BLK: variants seen among roughly 807,000 people sequenced by gnomAD.
BLK encodes the protein BLK proto-oncogene, Src family tyrosine kinase.
In BLK, 64 loss-of-function variants were observed where a neutral mutation model predicts 61.8. The observed-to-expected ratio is 1.03, with a 90% CI of 0.85 to 1.27. The LOEUF is 1.27. Among genes scored for constraint, BLK ranks in the 50% most tolerant of loss-of-function variants. The pLI is 0.00. For missense variants in BLK, 853 were observed against 660.5 expected (o/e 1.29, Z -3.19); for synonymous variants, 351 against 272.0 (o/e 1.29, Z -2.86).
chr8:11,508,483 C>G (rs537390055), intron 1 of BLK, among the ~76,000 whole-genome samples: 7 of 152,302 alleles, frequency 4.6e-5, no homozygotes, highest in African/African-American at 1.7e-4. Flanking sequence ...CCTTCCTTGG[C>G]CCCCTCTTGG....
At chr8:11,540,904 G>A (rs777493488) in intron 1 of BLK, among the ~76,000 whole-genome samples, 21 of 150,972 alleles carry the variant, frequency 1.4e-4, no homozygotes, top group African/African-American at 4.1e-4. Flanking sequence ...CAAAGCCAGC[G>A]CACCTTAATG....
chr8:11,495,193 G>T (rs963869094), intron 1 of BLK, among the ~76,000 whole-genome samples: 1 of 152,212 alleles, frequency 6.6e-6, no homozygotes, highest in African/African-American at 2.4e-5. Flanking sequence ...CACATATTTT[G>T]AAAGGATTTG....
rs1348767341 is a variant in BLK at position 11,549,076 on chromosome 8, G to A, written c.322G>A (p.Val108Met). 1.2e-6 allele frequency: 2 copies of A among 1,612,020 alleles called. No homozygotes were observed. The highest frequency in any genetic ancestry group is 1.3e-5 in the African/African-American group (1 of 75,044). Reference protein sequence around the residue: ...RSLVTGREGYVPSNFVARVES... With the variant: ...RSLVTGREGYMPSNFVARVES... ...ACTCGTCACAGGAAGAGAAGGCTAT[G>A]TGCCCAGTAACTTTGTGGCCCGAGT... is the stretch of plus-strand genomic sequence containing the variant. The change falls in exon 5 of 13, where the codon GTG becomes ATG. Residue 108 changes from valine to methionine, a missense_variant. Val to Met is a conservative substitution (Grantham distance 21). Coordinates refer to ENST00000259089, the MANE Select transcript of BLK (RefSeq NM_001715.3).
At chr8:11,513,694 G>A (rs1799112103) in intron 1 of BLK, among the ~76,000 whole-genome samples, 2 of 152,234 alleles carry the variant, frequency 1.3e-5, no homozygotes, top group African/African-American at 2.4e-5. Context: ...GGAGGCCTTT[G>A]AGGCATTGCA....
At chr8:11,544,688 T>C (rs1208657763) in intron 2 of BLK, among the ~76,000 whole-genome samples, 3 of 152,212 alleles carry the variant, frequency 2.0e-5, no homozygotes, top group African/African-American at 4.8e-5. Context: ...TATTCCACTA[T>C]GTAGAGTCAC....
chr8:11,548,173 C>A, intron 4 of BLK, 48 bp downstream of exon 4: 1 of 1,478,080 alleles, frequency 6.8e-7, no homozygotes, highest in Non-Finnish European at 9.4e-7. Flanking sequence ...CCCCCCTCCC[C>A]CACATCTCTC....
chr8:11,539,830 G>T (rs1385724170), intron 1 of BLK, among the ~76,000 whole-genome samples: 1 of 152,134 alleles, frequency 6.6e-6, no homozygotes, highest in African/African-American at 2.4e-5. Context: ...TTTACTATTT[G>T]GGTTTGTGTT....
intron 1 of BLK, among the ~76,000 whole-genome samples, chr8:11,518,717 C>A (rs1266961090): frequency 1.3e-5 from 2 of 152,116 alleles, no homozygotes; most frequent in Non-Finnish European, 2.9e-5. Context: ...TACAATGGTC[C>A]AACACGGCAT....
intron 1 of BLK, among the ~76,000 whole-genome samples, chr8:11,504,981 C>G (rs926451789): frequency 1.2e-4 from 18 of 152,084 alleles, no homozygotes; most frequent in African/African-American, 4.4e-4. Context: ...TACATGCACA[C>G]AGACACATAG....
At chr8:11,544,081 G>T (rs957416070) in intron 2 of BLK, among the ~76,000 whole-genome samples, 1 of 151,974 alleles carries the variant, frequency 6.6e-6, no homozygotes, top group South Asian at 2.1e-4. Flanking sequence ...TCGTACCTCA[G>T]CCTTCTGAGT....
At chr8:11,538,369 T>C (rs975070539) in intron 1 of BLK, among the ~76,000 whole-genome samples, 6 of 152,202 alleles carry the variant, frequency 3.9e-5, no homozygotes, top group Non-Finnish European at 5.9e-5. Flanking sequence ...GGTTGTCCCA[T>C]GGCCTCTTGA....
chr8:11,562,956 A>C, intron 11 of BLK, 23 bp from the exon 12 acceptor site: 4 of 1,613,834 alleles, frequency 2.5e-6, no homozygotes, highest in Non-Finnish European at 3.4e-6. Flanking sequence ...GGCCTCCCAA[A>C]GCTTGCATGG....
At chr8:11,558,103 C>T (rs931816954) in intron 10 of BLK, 65 bp downstream of exon 10, 18 of 1,488,704 alleles carry the variant, frequency 1.2e-5, no homozygotes, top group Admixed American at 1.0e-4. Flanking sequence ...AATGGCTGCT[C>T]GTGCCTTACC....
At chr8:11,538,989 A>C (rs1318256438) in intron 1 of BLK, among the ~76,000 whole-genome samples, 1 of 152,188 alleles carries the variant, frequency 6.6e-6, no homozygotes, top group Non-Finnish European at 1.5e-5. Context: ...AAGTCACATG[A>C]AGTCTTATAA....
rs753255781 is a variant in BLK, at chr8:11,554,827, G to C, written c.557G>C (p.Gly186Ala). Residue 186 changes from glycine (G) to alanine (A), a missense_variant, in exon 7 of 13, where the codon GGC becomes GCC. Coordinates refer to ENST00000259089, the MANE Select transcript of BLK (RefSeq NM_001715.3). ...HYKIRCLDEG[G>A]YYISPRITFP... ...AAGATCCGCTGCCTGGATGAAGGGGGCTACTACATCTCCCCCCGGATCACC... is the reference window on the plus strand; with the variant it reads ...AAGATCCGCTGCCTGGATGAAGGGGCCTACTACATCTCCCCCCGGATCACC... 1 of 1,613,988 alleles carries C rather than the reference G, an allele frequency of 6.2e-7. No homozygotes were observed. The highest frequency in any genetic ancestry group is 1.3e-5 in the African/African-American group (1 of 74,996).
chr8:11,537,436 G>C (rs1800179450), intron 1 of BLK, among the ~76,000 whole-genome samples: 1 of 152,158 alleles, frequency 6.6e-6, no homozygotes, highest in Non-Finnish European at 1.5e-5. Context: ...AAATCAGAAA[G>C]GCAAAGCCTC....
chr8:11,535,300 G>GAAAGAAAGAAAGAAAA (rs1563102496), intron 1 of BLK, among the ~76,000 whole-genome samples: 25 of 144,434 alleles, frequency 1.7e-4, no homozygotes, highest in African/African-American at 6.3e-4. Context: ...AAGAAAGAAA[G>GAAAGAAAGAAAGAAAA]AAAGAAAGAA....
In BLK at chr8:11,526,450, G is replaced by A. The variant is rs976673735; in HGVS notation, c.-1-16774G>A. Among the ~76,000 whole-genome samples the A allele has an allele frequency of 3.3e-5, 5 of 152,152 alleles. No homozygotes were observed. In the South Asian group the frequency reaches 1.0e-3, roughly 32 times the overall value. ...TATATATATTCTGGCTGGACTTGGT[G>A]GCTCATACTTGTAATCCCAGCACTT... is the stretch of plus-strand genomic sequence containing the variant. On this transcript the variant is annotated intron_variant, in intron 1 of 12. Coordinates refer to ENST00000259089, the MANE Select transcript of BLK (RefSeq NM_001715.3).
chr8:11,531,824 C>G (rs1002674982), intron 1 of BLK, among the ~76,000 whole-genome samples: 3 of 152,150 alleles, frequency 2.0e-5, no homozygotes, highest in Non-Finnish European at 4.4e-5. Context: ...TCTGCAGCAC[C>G]CAATGTACTA....
Sources: allele counts gnomAD v4.1 joint callset (sites outside exome capture counted in the v4.1 genomes callset), GRCh38; gene constraint gnomAD v4.1.1; transcripts MANE v1.5; gene names NCBI Gene and HGNC (gene_info 2026-07-23, HGNC 2026-07-21).